PDE4D: variants seen among roughly 807,000 people sequenced by gnomAD.
PDE4D encodes 3',5'-cyclic-AMP phosphodiesterase 4D.
Under a neutral mutation model 87.4 loss-of-function variants are expected in PDE4D, and 24 were observed. That is an observed-to-expected ratio of 0.27 (90% CI 0.20 to 0.39). The LOEUF is 0.39. PDE4D is among the 10% of genes least tolerant of loss of function. The pLI, the probability that PDE4D is intolerant of heterozygous loss-of-function variation, is 1.00. For missense variants in PDE4D, 714 were observed against 1,041.0 expected, an observed-to-expected ratio of 0.69 and a Z score of 4.32; for synonymous variants, 384 against 383.2, an observed-to-expected ratio of 1.00 and a Z score of -0.02.
intron 2 of PDE4D, among the ~76,000 whole-genome samples, chr5:60,134,005 C>T (rs752526043): frequency 6.6e-6 from 1 of 152,024 alleles, no homozygotes; most frequent in Non-Finnish European, 1.5e-5. Flanking sequence ...ATCATAGATA[C>T]CTTCTTATCT....
intron 6 of PDE4D, among the ~76,000 whole-genome samples, chr5:59,021,081 G>T (rs919556897): frequency 6.6e-6 from 1 of 152,102 alleles, no homozygotes; most frequent in Non-Finnish European, 1.5e-5. Flanking sequence ...GGGAATCAGA[G>T]AAATCATTTG....
chr5:60,407,557 G>A (rs953786041), intron 1 of PDE4D, among the ~76,000 whole-genome samples: 7 of 138,316 alleles, frequency 5.1e-5, no homozygotes, highest in Non-Finnish European at 9.1e-5. Context: ...AGGTTCAAGC[G>A]ATTCTCCTGC....
chr5:59,205,070 T>C (rs154222), intron 2 of PDE4D, among the ~76,000 whole-genome samples: 71,054 of 151,918 alleles, frequency 0.47, 17,682 homozygotes, highest in African/African-American at 0.63. Flanking sequence ...AGTTACTCAT[T>C]GGCAGTCATG....
At chr5:59,244,045 C>T (rs941217540) in intron 1 of PDE4D, among the ~76,000 whole-genome samples, 11 of 152,030 alleles carry the variant, frequency 7.2e-5, no homozygotes, top group Admixed American at 7.2e-4. Context: ...TCCTATGTCA[C>T]CATTAGAATA....
At chr5:59,912,558 T>C (rs1026568501) in intron 3 of PDE4D, among the ~76,000 whole-genome samples, 3 of 152,226 alleles carry the variant, frequency 2.0e-5, no homozygotes, top group Non-Finnish European at 2.9e-5. Flanking sequence ...ATTAGATCAG[T>C]TAATTTTGTG....
chr5:59,809,089 C>T (rs546256112), intron 1 of PDE4D, among the ~76,000 whole-genome samples: 3 of 152,246 alleles, frequency 2.0e-5, no homozygotes, highest in South Asian at 4.1e-4. Flanking sequence ...TTATGGAAGT[C>T]GAAGAGTTGT....
intron 5 of PDE4D, among the ~76,000 whole-genome samples, chr5:59,069,811 T>C (rs1225654270): frequency 6.6e-6 from 1 of 152,176 alleles, no homozygotes; most frequent in Non-Finnish European, 1.5e-5. Flanking sequence ...ATTTGGAAAT[T>C]ATTTCCAAAT....
chr5:60,455,484 G>A (rs967342895), intron 1 of PDE4D, among the ~76,000 whole-genome samples: 2 of 151,986 alleles, frequency 1.3e-5, no homozygotes, highest in Admixed American at 1.3e-4. Context: ...AGGGAGAAAG[G>A]ATAAAATAAG....
chr5:60,328,529 A>C (rs1757013308), intron 1 of PDE4D, among the ~76,000 whole-genome samples: 3 of 152,200 alleles, frequency 2.0e-5, no homozygotes, highest in Admixed American at 2.0e-4. Context: ...ATTTCACTAT[A>C]TATTTGCTAT....
intron 1 of PDE4D, among the ~76,000 whole-genome samples, chr5:59,682,612 T>A (rs925679629): frequency 6.6e-6 from 1 of 152,214 alleles, no homozygotes; most frequent in African/African-American, 2.4e-5. Context: ...TGAATGGGAT[T>A]AATGCCCTTA....
intron 1 of PDE4D, among the ~76,000 whole-genome samples, chr5:59,504,737 AG>A (rs1236463694): frequency 2.0e-5 from 3 of 152,094 alleles, no homozygotes; most frequent in Non-Finnish European, 4.4e-5. Context: ...CAAAACTCTC[AG>A]CATGGCCTCA....
chr5:59,326,273 A>G (rs1775640095), intron 1 of PDE4D, among the ~76,000 whole-genome samples: 1 of 152,146 alleles, frequency 6.6e-6, no homozygotes, highest in African/African-American at 2.4e-5. Flanking sequence ...ATAATAATAA[A>G]AAAAAGAAAA....
At chr5:59,286,321 C>T (rs1021465960) in intron 1 of PDE4D, among the ~76,000 whole-genome samples, 2 of 152,162 alleles carry the variant, frequency 1.3e-5, no homozygotes, top group Admixed American at 6.6e-5. Flanking sequence ...ATTTCTTCCA[C>T]CACACAGTCA....
intron 1 of PDE4D, among the ~76,000 whole-genome samples, chr5:59,604,089 A>G (rs1457610773): frequency 1.4e-5 from 2 of 146,730 alleles, no homozygotes; most frequent in Admixed American, 6.9e-5. Context: ...AAGACATGCC[A>G]TATGTTTGAA....
intron 1 of PDE4D, among the ~76,000 whole-genome samples, chr5:59,449,287 A>G (rs1156232105): frequency 6.6e-6 from 1 of 152,146 alleles, no homozygotes; most frequent in Non-Finnish European, 1.5e-5. Context: ...ACAGCAAATT[A>G]TTTGATCACT....
intron 3 of PDE4D, among the ~76,000 whole-genome samples, chr5:59,966,828 G>C (rs1282087431): frequency 1.3e-5 from 2 of 152,204 alleles, no homozygotes; most frequent in Non-Finnish European, 2.9e-5. Flanking sequence ...AAGGGTTTTA[G>C]TTAATGGTGC....
Position 59,389,367 on chromosome 5 carries a change from A to C in PDE4D, c.456-173399T>G, listed in dbSNP as rs142705098. ...AATTAGTTTCTAAGGATTGTTTAAA[A>C]TATCATTAATTATATAAAATTTTAA... On this transcript the variant is annotated intron_variant, in intron 1 of 14. Transcript: ENST00000340635. 8.7e-3 allele frequency among the ~76,000 whole-genome samples: 1,323 copies of C among 151,852 alleles called. 23 individuals carry two copies. The highest frequency in any genetic ancestry group is 0.03 in the African/African-American group (1,266 of 41,528).
At chr5:59,390,872 G>A (rs188368310) in intron 1 of PDE4D, among the ~76,000 whole-genome samples, 121 of 152,216 alleles carry the variant, frequency 7.9e-4, no homozygotes, top group African/African-American at 2.7e-3. Flanking sequence ...ACTCCAAGAG[G>A]AAGAAAAGGT....
intron 5 of PDE4D, among the ~76,000 whole-genome samples, chr5:59,167,709 T>C (rs1425305885): frequency 6.6e-6 from 1 of 152,184 alleles, no homozygotes; most frequent in African/African-American, 2.4e-5. Flanking sequence ...CATTCACTTA[T>C]AAGCCCTCTG....
Sources: allele counts gnomAD v4.1 joint callset (sites outside exome capture counted in the v4.1 genomes callset), GRCh38; gene constraint gnomAD v4.1.1; transcripts MANE v1.5; gene names NCBI Gene and HGNC (gene_info 2026-07-23, HGNC 2026-07-21).